The following BFSP1 variants were observed in gnomAD, a reference collection of about 807,000 sequenced individuals.
BFSP1 encodes the protein beaded filament structural protein 1.
BFSP1 carries 38 observed loss-of-function variants against 43.9 expected under a neutral mutation model. That is an observed-to-expected ratio of 0.87 (90% CI 0.67 to 1.14). BFSP1 has a LOEUF of 1.14. Among genes scored for constraint, BFSP1 ranks in the 50% most tolerant of loss-of-function variants. The pLI is 0.00. For synonymous variants in BFSP1, 352 were observed against 354.8 expected (o/e 0.99, Z 0.09); for missense variants, 850 against 875.1 (o/e 0.97, Z 0.36).
Position 17,497,469 on chromosome 20 carries a change from C to CACACACAT in BFSP1, c.957-447_957-446insATGTGTGT, listed in dbSNP as rs1401827489. The stretch of plus-strand genomic sequence containing the variant: ...GTATGTATATATATATACACACACA[C>CACACACAT]ACGTATATATACGTGTGTATATATA... On this transcript the variant is annotated intron_variant, in intron 6 of 7. Coordinates refer to ENST00000377873, the MANE Select transcript of BFSP1 (RefSeq NM_001195.5). Among the ~76,000 whole-genome samples the CACACACAT allele has an allele frequency of 4.9e-4, 72 of 147,228 alleles. 2 individuals are homozygous for CACACACAT. The highest frequency in any genetic ancestry group is 1.7e-3 in the African/African-American group (67 of 39,820).
chr20:17,546,656 C>T (rs1002915292), intron 1 of BFSP1, among the ~76,000 whole-genome samples: 1 of 151,624 alleles, frequency 6.6e-6, no homozygotes. Context: ...GAGCCAAGAT[C>T]ACACCACACT....
chr20:17,517,362 A>G, intron 2 of BFSP1: 1 of 961,430 alleles, frequency 1.0e-6, no homozygotes, highest in Non-Finnish European at 1.7e-6. Flanking sequence ...AAACAAACAA[A>G]CAAACAAAAT....
chr20:17,556,261 T>C (rs2328179), intron 1 of BFSP1, among the ~76,000 whole-genome samples: 93,487 of 152,030 alleles, frequency 0.61, 30,565 homozygotes, highest in African/African-American at 0.86. Flanking sequence ...CCAGCACTTT[T>C]GGAGGCCAAG....
intron 1 of BFSP1, among the ~76,000 whole-genome samples, chr20:17,556,592 A>G (rs1433571396): frequency 6.6e-6 from 1 of 152,188 alleles, no homozygotes; most frequent in East Asian, 1.9e-4. Flanking sequence ...TCGTGTGTGT[A>G]AATAAGCAAA....
chr20:17,564,336 CA>C (rs2035096547), intron 1 of BFSP1, among the ~76,000 whole-genome samples: 1 of 148,900 alleles, frequency 6.7e-6, no homozygotes, highest in Admixed American at 6.8e-5. Context: ...AACTGCACTC[CA>C]GCCTGGGTGA....
chr20:17,520,452 C>T (rs1397646540), intron 2 of BFSP1, among the ~76,000 whole-genome samples: 1 of 152,174 alleles, frequency 6.6e-6, no homozygotes, highest in Non-Finnish European at 1.5e-5. Flanking sequence ...AACCCAACTG[C>T]TAAAGAATGG....
intron 1 of BFSP1, among the ~76,000 whole-genome samples, chr20:17,546,453 C>T (rs2034802327): frequency 6.6e-6 from 1 of 152,166 alleles, no homozygotes; most frequent in African/African-American, 2.4e-5. Flanking sequence ...GTAATCCCAG[C>T]ACTTTGTGAG....
intron 3 of BFSP1, among the ~76,000 whole-genome samples, chr20:17,512,302 G>A (rs2034102587): frequency 6.6e-6 from 1 of 152,048 alleles, no homozygotes; most frequent in Admixed American, 6.5e-5. Flanking sequence ...ATCTTCACAA[G>A]AACAACGGGG....
intron 3 of BFSP1, 147 bp from the exon 4 acceptor site, chr20:17,512,215 G>A: frequency 1.6e-6 from 1 of 616,024 alleles, no homozygotes; most frequent in Non-Finnish European, 2.8e-6. Context: ...AGGAAGAAGA[G>A]ACTGATGCAT....
intron 4 of BFSP1, among the ~76,000 whole-genome samples, chr20:17,510,437 A>G (rs989662085): frequency 6.6e-6 from 1 of 152,234 alleles, no homozygotes; most frequent in African/African-American, 2.4e-5. Context: ...TTAAGGCTTC[A>G]GGAAAAGTTT....
At chr20:17,520,806 G>A (rs2034306339) in intron 2 of BFSP1, among the ~76,000 whole-genome samples, 2 of 152,150 alleles carry the variant, frequency 1.3e-5, no homozygotes, top group South Asian at 2.1e-4. Context: ...GGCATACAAA[G>A]GCATAGCCCT....
upstream of BFSP1, chr20:17,531,448 A>G: frequency 8.3e-7 from 1 of 1,199,692 alleles, no homozygotes; most frequent in Non-Finnish European, 1.0e-6. Flanking sequence ...GGGACGTTCC[A>G]GAGCCGATCA....
intron 2 of BFSP1, among the ~76,000 whole-genome samples, chr20:17,518,594 G>T (rs982649135): frequency 6.6e-6 from 1 of 152,188 alleles, no homozygotes; most frequent in East Asian, 1.9e-4. Flanking sequence ...GAAATACCCA[G>T]AAGTATTTCA....
intron 1 of BFSP1, chr20:17,565,417 C>G (rs941342018): frequency 7.9e-5 from 12 of 152,134 alleles, no homozygotes; most frequent in Admixed American, 5.9e-4. Context: ...ACTGAAGAAC[C>G]GTTTGTGAAA....
chr20:17,551,073 C>T (rs968991994), intron 1 of BFSP1, among the ~76,000 whole-genome samples: 1 of 152,212 alleles, frequency 6.6e-6, no homozygotes, highest in African/African-American at 2.4e-5. Flanking sequence ...TTCATTCCAA[C>T]TCTTCACTCT....
chr20:17,562,673 A>T (rs185820042), upstream of BFSP1, among the ~76,000 whole-genome samples: 40 of 152,270 alleles, frequency 2.6e-4, 1 homozygote, highest in African/African-American at 9.4e-4. Flanking sequence ...TTATCTGAAA[A>T]ACATACATAA....
At position 17,498,945 on chromosome 20, in the gene BFSP1, C is replaced by A; in HGVS notation, c.831G>T (p.Glu277Asp). ...YNEQIETLRK[E>D]IEETERVLEK... Reference sequence around the variant, plus strand: ...CCAGGACCCGCTCTGTCTCCTCAATCTCCTTGCGCAGTGTCTCAATCTGCT... The same window carrying A: ...CCAGGACCCGCTCTGTCTCCTCAATATCCTTGCGCAGTGTCTCAATCTGCT... The change falls in exon 6 of 8, where the codon GAG becomes GAT. Residue 277 changes from glutamate to aspartate, a missense_variant. Glu to Asp is a conservative substitution (Grantham distance 45). Coordinates refer to ENST00000377873, the MANE Select transcript of BFSP1 (RefSeq NM_001195.5). The A allele has an allele frequency of 6.2e-7, 1 of 1,614,222 alleles. No homozygotes were observed. The highest frequency in any genetic ancestry group is 8.5e-7 in the Non-Finnish European group (1 of 1,180,034).
At chr20:17,499,688 G>A (rs1169840614) in intron 5 of BFSP1, among the ~76,000 whole-genome samples, 1 of 152,088 alleles carries the variant, frequency 6.6e-6, no homozygotes, top group Non-Finnish European at 1.5e-5. Context: ...TTGGGAGGCC[G>A]AGGCTAGCAG....
intron 6 of BFSP1, among the ~76,000 whole-genome samples, chr20:17,497,885 T>C (rs1293530749): frequency 6.6e-6 from 1 of 152,154 alleles, no homozygotes; most frequent in Non-Finnish European, 1.5e-5. Context: ...TGTGAAGCCC[T>C]GTCCCAAAAC....
Sources: allele counts gnomAD v4.1 joint callset (sites outside exome capture counted in the v4.1 genomes callset), GRCh38; gene constraint gnomAD v4.1.1; transcripts MANE v1.5; gene names NCBI Gene and HGNC (gene_info 2026-07-23, HGNC 2026-07-21).